Variants in SPAG1 observed in about 807,000 individuals in gnomAD.
SPAG1 encodes the protein sperm-associated antigen 1.
In SPAG1, 69 loss-of-function variants were observed where a neutral mutation model predicts 100.5. The ratio of observed to expected loss-of-function variants is 0.69; its 90% confidence interval spans 0.57 to 0.84. The LOEUF (loss-of-function observed/expected upper bound fraction) is 0.84. Ranked by LOEUF, SPAG1 falls within the 40% of genes least tolerant of loss-of-function variation. The probability of loss-of-function intolerance (pLI) is 0.00; values close to 1 mark genes in which losing one functional copy is unlikely to be tolerated. For missense variants in SPAG1, 955 were observed against 1,133.1 expected (o/e 0.84, Z 2.26); for synonymous variants, 336 against 411.6 (o/e 0.82, Z 2.22).
chr8:100,172,011 C>T (rs1815878742), intron 3 of SPAG1, among the ~76,000 whole-genome samples: 1 of 152,104 alleles, frequency 6.6e-6, no homozygotes, highest in Non-Finnish European at 1.5e-5. Flanking sequence ...TCTCCCGCCT[C>T]AGCCTCCCGA....
At chr8:100,225,819 A>C (rs1024733640) in intron 14 of SPAG1, among the ~76,000 whole-genome samples, 3 of 151,796 alleles carry the variant, frequency 2.0e-5, no homozygotes, top group African/African-American at 7.3e-5. Flanking sequence ...ACTAGTATAC[A>C]TGTAAAAGCG....
chr8:100,167,664 T>C (rs1258740683), intron 3 of SPAG1, among the ~76,000 whole-genome samples: 2 of 152,234 alleles, frequency 1.3e-5, no homozygotes, highest in East Asian at 3.8e-4. Context: ...TTCTTAAATA[T>C]TTACAGATTT....
At chr8:100,180,890 C>A (rs1816338311) in intron 4 of SPAG1, among the ~76,000 whole-genome samples, 1 of 152,172 alleles carries the variant, frequency 6.6e-6, no homozygotes, top group Admixed American at 6.5e-5. Context: ...CAGATATTAA[C>A]AAATTGTGAT....
At position 100,213,073 on chromosome 8, in the gene SPAG1, C is replaced by T. The variant is rs1817796976; in HGVS notation, c.1097-17C>T. The T allele has an allele frequency of 6.9e-7, 1 of 1,448,488 alleles. No homozygotes were observed. Among genetic ancestry groups the T allele is most frequent in the Non-Finnish European group, 9.0e-7 (1 of 1,107,356 alleles). The allele number at this position is 1,448,488 out of a possible 1,614,324, so 89.7% of individuals were successfully genotyped here. On this transcript the variant is annotated splice_polypyrimidine_tract_variant and intron_variant, in intron 10 of 18. Coordinates refer to ENST00000388798, the MANE Select transcript of SPAG1 (RefSeq NM_003114.5). ...CGGTGATGCAAACCCTCACTTCCCGCATCCACTTCCTCACAGAGCCCGCGG... is the reference window on the plus strand; with the variant it reads ...CGGTGATGCAAACCCTCACTTCCCGTATCCACTTCCTCACAGAGCCCGCGG...
intron 12 of SPAG1, among the ~76,000 whole-genome samples, chr8:100,215,029 ATATATATATATATATATATATG>A: frequency 1.4e-5 from 1 of 70,730 alleles, no homozygotes; most frequent in African/African-American, 5.6e-5. Flanking sequence ...ATATATATAT[ATATATATATATATATATATATG>A]AAACTATGTA....
rs578078637 is a variant in SPAG1 at position 100,239,449 on chromosome 8, T to G, written c.2280+45T>G. The G allele has an allele frequency of 6.1e-5, 74 of 1,204,084 alleles. 3 individuals are homozygous for G. The South Asian group carries it at 9.0e-4, about 15-fold the overall frequency. 74.6% of individuals were successfully genotyped at this position (1,204,084 alleles called of 1,614,324 possible). On this transcript the variant is annotated intron_variant, in intron 17 of 18. Coordinates refer to ENST00000388798, the MANE Select transcript of SPAG1 (RefSeq NM_003114.5). The surrounding 1 kb of genome is among the most constrained non-coding windows in gnomAD (Gnocchi z 5.0). ...TTTGAAAGTACTCCTTTGGGGACCT[T>G]AGACTGGATTCTAAGGTCATATTCC... is the stretch of plus-strand genomic sequence containing the variant.
rs1317267797 is a variant in SPAG1 at position 100,240,575 on chromosome 8, C to T, written c.2453C>T (p.Thr818Ile). The change falls in exon 18 of 19, where the codon ACC becomes ATC. Residue 818 changes from threonine (T) to isoleucine (I), a missense_variant. By Grantham distance (89) the Thr-to-Ile change is moderately conservative. Coordinates refer to ENST00000388798, the MANE Select transcript of SPAG1 (RefSeq NM_003114.5). The stretch of plus-strand genomic sequence containing the variant: ...GGTCAGATTATAAATGCTCTCAGTA[C>T]CAGGAAGGATAAAGAAGCCTGTGCA... The part of the protein sequence containing the change: ...EFGQIINALS[T>I]RKDKEACAHL... The T allele has an allele frequency of 1.9e-6, 3 of 1,613,898 alleles. No individual in the cohort carries two copies. Among genetic ancestry groups the T allele is most frequent in the Non-Finnish European group, 2.5e-6 (3 of 1,179,936 alleles).
intron 13 of SPAG1, among the ~76,000 whole-genome samples, chr8:100,223,075 G>A (rs1257689557): frequency 1.3e-5 from 2 of 152,112 alleles, no homozygotes; most frequent in Non-Finnish European, 2.9e-5. Context: ...GTTCATCCAC[G>A]GCATAGCATG....
intron 3 of SPAG1, among the ~76,000 whole-genome samples, chr8:100,172,634 A>ATG (rs60155004): frequency 0.067 from 9,693 of 145,488 alleles, 727 homozygotes; most frequent in African/African-American, 0.19. Context: ...AAAGAAATAT[A>ATG]TGTGTGTGTG....
intron 7 of SPAG1, among the ~76,000 whole-genome samples, chr8:100,185,922 A>C (rs1816565279): frequency 6.6e-6 from 1 of 152,152 alleles, no homozygotes. Flanking sequence ...GTAGGTTTAT[A>C]CCAGAGATTC....
At chr8:100,193,415 T>G (rs572902156) in intron 9 of SPAG1, among the ~76,000 whole-genome samples, 158 of 152,288 alleles carry the variant, frequency 1.0e-3, no homozygotes, top group Admixed American at 2.0e-3. Flanking sequence ...GAGCTGTGAT[T>G]GCACCACTGT....
At chr8:100,183,334 A>G (rs748642112) in intron 4 of SPAG1, 41 bp from the exon 5 acceptor site, 19 of 892,894 alleles carry the variant, frequency 2.1e-5, no homozygotes, top group Non-Finnish European at 3.1e-5. Flanking sequence ...TGATAATCTT[A>G]TATTAAATAT....
rs1818452860 is a variant in SPAG1 at position 100,225,204 on chromosome 8, C to T, written c.1720C>T (p.Pro574Ser). The T allele has an allele frequency of 6.2e-7, 1 of 1,613,738 alleles. No homozygotes were observed. Among genetic ancestry groups the T allele is most frequent in the African/African-American group, 1.3e-5 (1 of 74,874 alleles). Residue 574 changes from proline to serine, a missense_variant, in exon 14 of 19, where the codon CCA (proline) becomes TCA (serine). Pro to Ser is a moderately conservative substitution (Grantham distance 74). Transcript: ENST00000388798. ...LSRILMELDG[P>S]NWREKLSPIP... ...AAGAATTTTAATGGAGCTGGATGGA[C>T]CAAATTGGCGGGAGAAGCTGTCACC...
chr8:100,217,056 C>T (rs2132372781), intron 12 of SPAG1, among the ~76,000 whole-genome samples: 1 of 151,006 alleles, frequency 6.6e-6, no homozygotes, highest in South Asian at 2.1e-4. Flanking sequence ...CCTGCCTCAG[C>T]CTCCCGAGTT....
intron 3 of SPAG1, among the ~76,000 whole-genome samples, chr8:100,171,460 T>A (rs1815846553): frequency 6.6e-6 from 1 of 152,212 alleles, no homozygotes; most frequent in Non-Finnish European, 1.5e-5. Flanking sequence ...GTTGACACTG[T>A]ATAGGCCTGG....
At chr8:100,238,051 A>G (rs932542380) in intron 16 of SPAG1, among the ~76,000 whole-genome samples, 1 of 152,136 alleles carries the variant, frequency 6.6e-6, no homozygotes, top group Non-Finnish European at 1.5e-5. Flanking sequence ...GGGTAAAGTA[A>G]TAATTGTAAA....
chr8:100,191,325 C>A, intron 8 of SPAG1, 65 bp from the exon 9 acceptor site: 2 of 1,137,676 alleles, frequency 1.8e-6, no homozygotes, highest in Non-Finnish European at 1.3e-6. Flanking sequence ...TTCCACTTGC[C>A]AAATATGTTG....
intron 12 of SPAG1, among the ~76,000 whole-genome samples, chr8:100,218,808 C>T (rs1284237501): frequency 5.3e-5 from 8 of 152,224 alleles, no homozygotes; most frequent in Admixed American, 5.2e-4. Context: ...ACAAGTGCAG[C>T]TGAGTATCTG....
chr8:100,217,837 C>G (rs771803699), intron 12 of SPAG1, among the ~76,000 whole-genome samples: 9 of 152,070 alleles, frequency 5.9e-5, no homozygotes, highest in Non-Finnish European at 1.3e-4. Flanking sequence ...GGTTGGAGTG[C>G]AATGGCATGA....
Sources: allele counts gnomAD v4.1 joint callset (sites outside exome capture counted in the v4.1 genomes callset), GRCh38; gene constraint gnomAD v4.1.1; non-coding constraint Gnocchi (gnomAD v3.1); transcripts MANE v1.5; gene names NCBI Gene and HGNC (gene_info 2026-07-23, HGNC 2026-07-21).